Variants in TRMT9B observed in about 807,000 individuals in gnomAD.
TRMT9B encodes probable tRNA methyltransferase 9B.
In TRMT9B, 16 loss-of-function variants were observed where a neutral mutation model predicts 11.5. The ratio of observed to expected loss-of-function variants is 1.39; its 90% CI spans 0.94 to 2.11. The LOEUF (loss-of-function observed/expected upper bound fraction) is 2.11. Ranked by LOEUF, TRMT9B falls within the 30% of genes most tolerant of loss-of-function variation. The probability of loss-of-function intolerance (pLI) is 0.00; values close to 1 mark genes in which losing one functional copy is unlikely to be tolerated. For synonymous variants in TRMT9B, 274 were observed against 192.4 expected, an observed-to-expected ratio of 1.42 and a Z score of -3.51; for missense variants, 941 against 553.8, an observed-to-expected ratio of 1.70 and a Z score of -7.02.
chr8:12,993,924 A>G (rs1302152952), intron 2 of TRMT9B, among the ~76,000 whole-genome samples: 9 of 152,220 alleles, frequency 5.9e-5, no homozygotes, highest in Non-Finnish European at 1.3e-4. Flanking sequence ...AACTGCTGCA[A>G]ACTAAACCTC....
chr8:13,014,200 G>A (rs919045418), intron 4 of TRMT9B, among the ~76,000 whole-genome samples: 1 of 152,204 alleles, frequency 6.6e-6, no homozygotes, highest in Non-Finnish European at 1.5e-5. Context: ...ATGGAAACTT[G>A]CTCTCTGATA....
chr8:12,964,212 CT>C (rs888659962), intron 1 of TRMT9B, among the ~76,000 whole-genome samples: 1 of 152,156 alleles, frequency 6.6e-6, no homozygotes, highest in Admixed American at 6.5e-5. Flanking sequence ...TGTATTGCAT[CT>C]TTTTGAAAAA....
intron 2 of TRMT9B, among the ~76,000 whole-genome samples, chr8:12,996,636 T>C (rs1187657638): frequency 1.3e-5 from 2 of 152,198 alleles, no homozygotes; most frequent in Non-Finnish European, 2.9e-5. Context: ...GATACTCTGC[T>C]CAGTTTTAAG....
chr8:12,954,283 C>T (rs1801016716), intron 1 of TRMT9B, among the ~76,000 whole-genome samples: 1 of 152,186 alleles, frequency 6.6e-6, no homozygotes, highest in Admixed American at 6.5e-5. Context: ...TATGTGAATG[C>T]TTAAATGCAT....
At chr8:13,011,306 A>G (rs531601601) in intron 3 of TRMT9B, 1 of 985,222 alleles carries the variant, frequency 1.0e-6, no homozygotes, top group African/African-American at 1.7e-5. Context: ...TTTTTTATTC[A>G]TATATTCTCC....
chr8:13,021,086 A>G lies in TRMT9B; in HGVS notation c.407A>G (p.Gln136Arg). 1 of 1,608,504 alleles carries G rather than the reference A, an allele frequency of 6.2e-7. No individual in the cohort carries two copies. The highest frequency in any genetic ancestry group is 8.5e-7 in the Non-Finnish European group (1 of 1,176,900). Residue 136 changes from glutamine (Q) to arginine (R), a missense_variant, in exon 5 of 5, where the codon CAA becomes CGA. By Grantham distance (43) the Gln-to-Arg change is conservative. Coordinates refer to ENST00000524591, the MANE Select transcript of TRMT9B (RefSeq NM_020844.3). ...GCCAGGGTCTTAGTTCCCGGAGGCC[A>G]ACTGATGATTTACGTTTGGGCAATG... is the stretch of plus-strand genomic sequence containing the variant. ...EMARVLVPGG[Q>R]LMIYVWAMEQ...
Position 13,022,036 on chromosome 8 carries a change from T to A in TRMT9B, c.1357T>A (p.Cys453Ser). The A allele has an allele frequency of 6.4e-7, 1 of 1,572,698 alleles. No homozygotes were observed. Among genetic ancestry groups the A allele is most frequent in the Non-Finnish European group, 8.6e-7 (1 of 1,161,480 alleles). The change falls in exon 5 of 5, where the codon TGT becomes AGT. Residue 453 changes from cysteine to serine, a missense_variant. By Grantham distance (112) the Cys-to-Ser change is moderately radical. Coordinates refer to ENST00000524591, the MANE Select transcript of TRMT9B (RefSeq NM_020844.3). ...WCIIAEKKRG[C>S]D is the part of the protein sequence containing the mutation. ...TATCATTGCAGAGAAAAAGAGAGGT[T>A]GTGATTGATTGGATCCTTTTAGACA... is the stretch of plus-strand genomic sequence containing the variant.
intron 1 of TRMT9B, among the ~76,000 whole-genome samples, chr8:12,954,171 C>G (rs1483308331): frequency 2.0e-5 from 3 of 152,168 alleles, no homozygotes; most frequent in Non-Finnish European, 4.4e-5. Flanking sequence ...CCCAGTAAAT[C>G]TTAAATCTCT....
At chr8:12,985,882 A>T (rs1325863596) in intron 1 of TRMT9B, among the ~76,000 whole-genome samples, 1 of 151,576 alleles carries the variant, frequency 6.6e-6, no homozygotes, top group African/African-American at 2.4e-5. Flanking sequence ...TTTTTTTGAG[A>T]TGGAGTCTCA....
intron 1 of TRMT9B, among the ~76,000 whole-genome samples, chr8:12,977,140 C>G (rs997837210): frequency 6.6e-6 from 1 of 152,200 alleles, no homozygotes; most frequent in African/African-American, 2.4e-5. Flanking sequence ...GCTGCCCTCT[C>G]CAGGTTGGAA....
rs551560712 is a variant in TRMT9B, at chr8:13,021,163, A to G, written c.484A>G (p.Arg162Gly). 45 of 1,613,982 alleles carry G rather than the reference A, an allele frequency of 2.8e-5. 1 individual carries two copies. The South Asian group carries it at 4.9e-4, about 18-fold the overall frequency. The change falls in exon 5 of 5, where the codon AGG becomes GGG. Residue 162 changes from arginine to glycine, a missense_variant. By Grantham distance (125) the Arg-to-Gly change is moderately radical (BLOSUM62 -2). Coordinates refer to ENST00000524591, the MANE Select transcript of TRMT9B (RefSeq NM_020844.3). ...EKQDVLVPWNRALCSQLFSES... is the reference protein window; with the variant it reads ...EKQDVLVPWNGALCSQLFSES... ...GCAAGACGTGCTTGTTCCATGGAACAGGGCTCTGTGTTCCCAGCTCTTCTC... is the reference window on the plus strand; with the variant it reads ...GCAAGACGTGCTTGTTCCATGGAACGGGGCTCTGTGTTCCCAGCTCTTCTC...
At chr8:12,967,442 G>T (rs1443557229) in intron 1 of TRMT9B, among the ~76,000 whole-genome samples, 1 of 152,186 alleles carries the variant, frequency 6.6e-6, no homozygotes, top group African/African-American at 2.4e-5. Context: ...AAATGGCAGG[G>T]ATGGTGACAA....
At chr8:13,005,768 C>T (rs1181201945) in intron 2 of TRMT9B, among the ~76,000 whole-genome samples, 3 of 152,044 alleles carry the variant, frequency 2.0e-5, no homozygotes, top group Non-Finnish European at 1.5e-5. Context: ...TGGCTGGAAC[C>T]CAAACACTAA....
At chr8:13,016,144 C>A (rs779427547) in intron 4 of TRMT9B, among the ~76,000 whole-genome samples, 1 of 128,194 alleles carries the variant, frequency 7.8e-6, no homozygotes, top group Non-Finnish European at 1.6e-5. Context: ...ATATAAGGGA[C>A]CCTGTACCTG....
chr8:13,004,168 G>T (rs189536083), intron 2 of TRMT9B, among the ~76,000 whole-genome samples: 2 of 152,006 alleles, frequency 1.3e-5, no homozygotes, highest in Admixed American at 6.5e-5. Context: ...TTGAGTTCCG[G>T]CAGGCCTCAC....
At chr8:12,953,319 C>A (rs1001552311) in intron 1 of TRMT9B, among the ~76,000 whole-genome samples, 7 of 152,152 alleles carry the variant, frequency 4.6e-5, no homozygotes, top group Non-Finnish European at 1.0e-4. Flanking sequence ...CAAATGGAAG[C>A]CTTTATCTTT....
chr8:13,006,700 C>T (rs1337770010), intron 3 of TRMT9B: 1 of 1,286,884 alleles, frequency 7.8e-7, no homozygotes, highest in African/African-American at 1.5e-5. Context: ...TGGAGTTTCA[C>T]TCTTGTCAAC....
rs142341419 is a variant in TRMT9B at position 13,028,985 on chromosome 8, G to T, written c.*6941G>T. The T allele has an allele frequency of 7.3e-3, 1,218 of 167,038 alleles. 15 individuals carry two copies. The highest frequency in any genetic ancestry group is 4.9e-3 in the Non-Finnish European group (335 of 68,106). The allele number at this position is 167,038 out of a possible 1,614,324, so 10.3% of individuals were successfully genotyped here. ...TATCTGAGAGGCTTTGAATATGTAT[G>T]TGCAAACTGTCCTATTTTCTTTATA... On this transcript the variant is annotated 3_prime_UTR_variant, in exon 5 of 5. Coordinates refer to ENST00000524591, the MANE Select transcript of TRMT9B (RefSeq NM_020844.3).
chr8:12,957,657 A>G (rs530254063), intron 1 of TRMT9B, among the ~76,000 whole-genome samples: 78 of 152,314 alleles, frequency 5.1e-4, no homozygotes, highest in African/African-American at 1.9e-3. Flanking sequence ...AATGGAGACT[A>G]CCTCAGCAAA....
Sources: gnomAD v4.1 joint callset for allele counts (sites outside exome capture counted in the v4.1 genomes callset) on GRCh38, gnomAD v4.1.1 for gene constraint, MANE v1.5 for transcripts, NCBI Gene and HGNC (gene_info 2026-07-23, HGNC 2026-07-21) for gene names.